Variants in PSD3 observed in about 807,000 individuals in gnomAD.
PSD3 encodes pleckstrin and Sec7 domain containing 3, also known as PH and SEC7 domain-containing protein 3.
PSD3 carries 49 observed loss-of-function variants against 105.5 expected under a neutral mutation model. The observed-to-expected ratio is 0.46, with a 90% CI of 0.37 to 0.59. PSD3 has a LOEUF of 0.59. Ranked by LOEUF, PSD3 falls within the 20% of genes least tolerant of loss-of-function variation. The probability of loss-of-function intolerance (pLI) is 0.00; values close to 1 mark genes in which losing one functional copy is unlikely to be tolerated. For synonymous variants in PSD3, 557 were observed against 457.8 expected, an observed-to-expected ratio of 1.22 and a Z score of -2.77; for missense variants, 1,561 against 1,263.8, an observed-to-expected ratio of 1.24 and a Z score of -3.57.
intron 1 of PSD3, among the ~76,000 whole-genome samples, chr8:19,036,547 A>G (rs182689448): frequency 9.2e-5 from 14 of 152,324 alleles, no homozygotes; most frequent in African/African-American, 3.1e-4. Context: ...AACACAAAGT[A>G]CTAAAGAAAC....
intron 1 of PSD3, among the ~76,000 whole-genome samples, chr8:19,077,948 G>C (rs181014932): frequency 1.3e-5 from 2 of 152,250 alleles, no homozygotes; most frequent in East Asian, 1.9e-4. Context: ...ATCCATGATA[G>C]TCATTTGATT....
chr8:18,695,736 T>C (rs1801221218), intron 9 of PSD3, among the ~76,000 whole-genome samples: 1 of 152,216 alleles, frequency 6.6e-6, no homozygotes, highest in Non-Finnish European at 1.5e-5. Flanking sequence ...CTTGTAAAGT[T>C]GAATTTATCT....
chr8:19,011,592 G>C (rs769884710), intron 1 of PSD3, among the ~76,000 whole-genome samples: 4 of 151,664 alleles, frequency 2.6e-5, no homozygotes, highest in Non-Finnish European at 2.9e-5. Flanking sequence ...AATTTCCAAG[G>C]TTACTCAATT....
At chr8:18,933,194 A>G (rs1047083495) in intron 2 of PSD3, among the ~76,000 whole-genome samples, 1 of 152,212 alleles carries the variant, frequency 6.6e-6, no homozygotes, top group African/African-American at 2.4e-5. Flanking sequence ...CAAGGCAAAT[A>G]AGAAACAAAA....
chr8:18,909,674 G>C (rs1350530640), intron 2 of PSD3, among the ~76,000 whole-genome samples: 1 of 151,982 alleles, frequency 6.6e-6, no homozygotes, highest in African/African-American at 2.4e-5. Flanking sequence ...AGTAGAGATG[G>C]AGTTTCACCA....
intron 1 of PSD3, among the ~76,000 whole-genome samples, chr8:18,956,112 G>A (rs1442727028): frequency 1.3e-5 from 2 of 152,136 alleles, no homozygotes; most frequent in African/African-American, 4.8e-5. Context: ...AAGGAAGAAG[G>A]AAGCTGAAAG....
intron 9 of PSD3, among the ~76,000 whole-genome samples, chr8:18,703,529 C>T (rs192460311): frequency 1.3e-5 from 2 of 152,188 alleles, no homozygotes; most frequent in East Asian, 3.9e-4. Flanking sequence ...CCTCTAGAAA[C>T]GTACCATTTT....
intron 8 of PSD3, among the ~76,000 whole-genome samples, chr8:18,772,150 T>A (rs773538815): frequency 2.0e-4 from 31 of 152,214 alleles, no homozygotes; most frequent in Non-Finnish European, 3.1e-4. Context: ...TTTGGTCTGC[T>A]TCTACTTCTT....
chr8:18,790,030 G>C (rs1364081504), intron 8 of PSD3, among the ~76,000 whole-genome samples: 1 of 152,066 alleles, frequency 6.6e-6, no homozygotes, highest in Admixed American at 6.6e-5. Context: ...ATATAAACCT[G>C]TTCTTAAAAA....
chr8:18,644,640 ACCCAACTG>A (rs1208517219), intron 10 of PSD3, among the ~76,000 whole-genome samples: 3 of 152,110 alleles, frequency 2.0e-5, no homozygotes, highest in African/African-American at 2.4e-5. Flanking sequence ...CTGAGCCCTC[ACCCAACTG>A]CCCACAATGC....
Position 18,653,355 on chromosome 8 carries a change from A to G in PSD3, c.2216+2287T>C, listed in dbSNP as rs115853931. ...TGTATATGCATATGAACAAGAGAGAAAAAGAAAAAAAGACAAAAAAAAAAA... is the reference window on the plus strand; with the variant it reads ...TGTATATGCATATGAACAAGAGAGAGAAAGAAAAAAAGACAAAAAAAAAAA... On this transcript the variant is annotated intron_variant, in intron 10 of 15. Transcript: ENST00000327040. Among the ~76,000 whole-genome samples, 633 of 147,888 alleles carry G rather than the reference A, an allele frequency of 4.3e-3. 2 individuals are homozygous for G. Among genetic ancestry groups the G allele is most frequent in the African/African-American group, 0.016 (612 of 38,700 alleles).
chr8:18,739,127 G>A (rs760162586), intron 9 of PSD3, among the ~76,000 whole-genome samples: 1 of 152,056 alleles, frequency 6.6e-6, no homozygotes, highest in Non-Finnish European at 1.5e-5. Flanking sequence ...AACTTCAGAT[G>A]GATGAATATT....
chr8:18,534,295 T>C lies in PSD3; in HGVS notation c.*1448A>G, dbSNP rs1374497345. The C allele has an allele frequency of 6.6e-6, 1 of 152,590 alleles. No homozygotes were observed. Among genetic ancestry groups the C allele is most frequent in the Non-Finnish European group, 1.5e-5 (1 of 68,026 alleles). The allele number at this position is 152,590 out of a possible 1,614,324, so 9.5% of individuals were successfully genotyped here. On this transcript the variant is annotated 3_prime_UTR_variant, in exon 16 of 16. Transcript: ENST00000327040. Reference sequence around the variant, plus strand: ...GTGCCACTTGCGGAGATTTTAACTTTAGGGATTACAGAGTTTCAAGGTTAG... The same window carrying C: ...GTGCCACTTGCGGAGATTTTAACTTCAGGGATTACAGAGTTTCAAGGTTAG...
chr8:18,785,271 G>GA (rs1809032370), intron 8 of PSD3, among the ~76,000 whole-genome samples: 1 of 152,050 alleles, frequency 6.6e-6, no homozygotes, highest in Non-Finnish European at 1.5e-5. Context: ...TTGTTTCTAG[G>GA]AAAAAATATC....
chr8:18,813,310 C>T (rs1245771273), intron 4 of PSD3, among the ~76,000 whole-genome samples: 1 of 152,020 alleles, frequency 6.6e-6, no homozygotes, highest in African/African-American at 2.4e-5. Context: ...CGTGGAAGAC[C>T]AGGAGTTTGG....
chr8:18,779,282 T>G (rs1281553138), intron 8 of PSD3, among the ~76,000 whole-genome samples: 1 of 152,172 alleles, frequency 6.6e-6, no homozygotes, highest in African/African-American at 2.4e-5. Flanking sequence ...TTTTGTGGGA[T>G]ATAAGTTTTA....
At chr8:18,621,851 T>C (rs1585415013) in intron 11 of PSD3, among the ~76,000 whole-genome samples, 1 of 152,218 alleles carries the variant, frequency 6.6e-6, no homozygotes, top group East Asian at 1.9e-4. Flanking sequence ...ATTCCACTTT[T>C]ATTATCTCTT....
At chr8:18,557,683 A>G (rs1331133733) in intron 14 of PSD3, among the ~76,000 whole-genome samples, 1 of 152,254 alleles carries the variant, frequency 6.6e-6, no homozygotes, top group African/African-American at 2.4e-5. Context: ...AAACACTCCA[A>G]GAAGTCCCAG....
chr8:18,566,024 T>G (rs1278121908), intron 14 of PSD3, among the ~76,000 whole-genome samples: 1 of 152,138 alleles, frequency 6.6e-6, no homozygotes, highest in Non-Finnish European at 1.5e-5. Flanking sequence ...AGCTAGTCTT[T>G]GAGGTACTGG....
Sources: allele counts gnomAD v4.1 joint callset (sites outside exome capture counted in the v4.1 genomes callset), GRCh38; gene constraint gnomAD v4.1.1; transcripts MANE v1.5; gene names NCBI Gene and HGNC (gene_info 2026-07-23, HGNC 2026-07-21).